The following GALNT7 variants were observed in gnomAD, a reference collection of about 807,000 sequenced individuals.
The protein encoded by GALNT7 is N-acetylgalactosaminyltransferase 7.
A neutral mutation model predicts 82.1 loss-of-function variants in GALNT7; 60 were observed. The ratio of observed to expected loss-of-function variants is 0.73; its 90% CI spans 0.59 to 0.91. The LOEUF is 0.91. GALNT7 is among the 40% of genes least tolerant of loss of function. The pLI is 0.00. For missense variants in GALNT7, 660 were observed against 804.2 expected, an observed-to-expected ratio of 0.82 and a Z score of 2.17; for synonymous variants, 243 against 275.1, an observed-to-expected ratio of 0.88 and a Z score of 1.15.
intron 2 of GALNT7, among the ~76,000 whole-genome samples, chr4:173,273,445 T>C (rs1416930742): frequency 1.3e-5 from 2 of 152,132 alleles, no homozygotes; most frequent in Non-Finnish European, 2.9e-5. Context: ...TGTTGTTGTT[T>C]AAAAACAACA....
chr4:173,235,139 C>G (rs1347582562), intron 1 of GALNT7, among the ~76,000 whole-genome samples: 2 of 152,178 alleles, frequency 1.3e-5, no homozygotes, highest in Non-Finnish European at 2.9e-5. Flanking sequence ...CTACTGCTGT[C>G]TATTCTGGAA....
At chr4:173,304,442 T>A (rs1167073438) in intron 8 of GALNT7, among the ~76,000 whole-genome samples, 1 of 151,990 alleles carries the variant, frequency 6.6e-6, no homozygotes, top group Non-Finnish European at 1.5e-5. Context: ...AATTGACAAG[T>A]AAATATTGTA....
chr4:173,255,375 T>A (rs1486269922), intron 2 of GALNT7, among the ~76,000 whole-genome samples: 1 of 152,192 alleles, frequency 6.6e-6, no homozygotes, highest in Non-Finnish European at 1.5e-5. Context: ...TTATCTTCAT[T>A]TCCCCTCTCT....
chr4:173,312,512 C>T (rs1737424725), intron 8 of GALNT7, among the ~76,000 whole-genome samples: 1 of 152,206 alleles, frequency 6.6e-6, no homozygotes, highest in Non-Finnish European at 1.5e-5. Flanking sequence ...CCATAGGAGG[C>T]CATTAATGTA....
intron 2 of GALNT7, among the ~76,000 whole-genome samples, chr4:173,255,419 T>G (rs1280711472): frequency 2.0e-5 from 3 of 152,158 alleles, no homozygotes; most frequent in Non-Finnish European, 4.4e-5. Context: ...ATGTTACAAT[T>G]CACAAAGTAT....
intron 1 of GALNT7, among the ~76,000 whole-genome samples, chr4:173,222,880 A>C (rs112738039): frequency 0.022 from 3,385 of 152,320 alleles, 102 homozygotes; most frequent in Admixed American, 0.068. Flanking sequence ...TTTTAAATAA[A>C]ATGACTATTA....
intron 1 of GALNT7, among the ~76,000 whole-genome samples, chr4:173,216,727 A>ATATATATATATATATATATTTT: frequency 7.7e-5 from 1 of 12,980 alleles, no homozygotes; most frequent in East Asian, 2.1e-3. Flanking sequence ...ATATATATAT[A>ATATATATATATATATATATTTT]TTTTTTTTTT....
intron 2 of GALNT7, among the ~76,000 whole-genome samples, chr4:173,290,028 G>A (rs1256129229): frequency 6.6e-6 from 1 of 152,180 alleles, no homozygotes; most frequent in Non-Finnish European, 1.5e-5. Context: ...ATTCAGGAAA[G>A]AACTATGGAG....
At chr4:173,198,576 CT>C (rs1435589992) in intron 1 of GALNT7, among the ~76,000 whole-genome samples, 1 of 152,166 alleles carries the variant, frequency 6.6e-6, no homozygotes, top group African/African-American at 2.4e-5. Flanking sequence ...TTATACCTGC[CT>C]CTTAAAGATT....
intron 1 of GALNT7, among the ~76,000 whole-genome samples, chr4:173,223,668 C>G (rs1264024153): frequency 6.6e-6 from 1 of 151,860 alleles, no homozygotes; most frequent in African/African-American, 2.4e-5. Flanking sequence ...TTATTTTTCT[C>G]AAGCTTTTTA....
At chr4:173,225,318 T>C (rs1484230653) in intron 1 of GALNT7, among the ~76,000 whole-genome samples, 1 of 152,032 alleles carries the variant, frequency 6.6e-6, no homozygotes, top group African/African-American at 2.4e-5. Flanking sequence ...GGAGAAATGT[T>C]TAAGGAAATG....
intron 3 of GALNT7, among the ~76,000 whole-genome samples, chr4:173,293,019 A>G (rs1164368017): frequency 1.3e-5 from 2 of 152,142 alleles, no homozygotes; most frequent in African/African-American, 4.8e-5. Context: ...TTAAAATACT[A>G]TTTCTATCTC....
At position 173,323,657 on chromosome 4, in the gene GALNT7, T is replaced by C. The variant is rs1268005502; in HGVS notation, c.*1940T>C. ...AAAAGAAGATACTCTATGAATATGA[T>C]TCTATATATTGAAATCAGAAAACCT... On this transcript the variant is annotated 3_prime_UTR_variant, in exon 12 of 12. Coordinates refer to ENST00000265000, the MANE Select transcript of GALNT7 (RefSeq NM_017423.3). The C allele has an allele frequency of 6.6e-6, 1 of 152,580 alleles. No individual in the cohort carries two copies. Among genetic ancestry groups the C allele is most frequent in the African/African-American group, 2.4e-5 (1 of 41,450 alleles). The allele number at this position is 152,580 out of a possible 1,614,324, so 9.5% of individuals were successfully genotyped here. A position where few individuals can be genotyped will look rare whatever the true frequency, so the allele number is the denominator to read the frequency against.
chr4:173,208,328 T>C (rs764037622), intron 1 of GALNT7, among the ~76,000 whole-genome samples: 36 of 152,226 alleles, frequency 2.4e-4, no homozygotes, highest in Non-Finnish European at 3.2e-4. Context: ...CACTTCTTGA[T>C]AGAAAAGATG....
At chr4:173,289,054 C>G (rs755526698) in intron 2 of GALNT7, among the ~76,000 whole-genome samples, 1 of 152,082 alleles carries the variant, frequency 6.6e-6, no homozygotes, top group Non-Finnish European at 1.5e-5. Context: ...ACTGGAGGTC[C>G]TTGTGCCAGC....
intron 1 of GALNT7, among the ~76,000 whole-genome samples, chr4:173,195,562 T>C (rs1281940104): frequency 6.6e-6 from 1 of 152,200 alleles, no homozygotes; most frequent in Non-Finnish European, 1.5e-5. Flanking sequence ...CAATAATACC[T>C]GAGTATAACC....
chr4:173,304,766 A>G (rs778421325), intron 8 of GALNT7, among the ~76,000 whole-genome samples: 2 of 152,042 alleles, frequency 1.3e-5, no homozygotes, highest in Non-Finnish European at 2.9e-5. Flanking sequence ...ACATGTAAGT[A>G]ATATCATGCA....
chr4:173,318,704 C>A, intron 11 of GALNT7, 145 bp downstream of exon 11: 1 of 566,854 alleles, frequency 1.8e-6, no homozygotes, highest in Non-Finnish European at 3.1e-6. Flanking sequence ...CATAGGTTTT[C>A]CTGAGCACTG....
intron 1 of GALNT7, among the ~76,000 whole-genome samples, chr4:173,247,372 C>T (rs964386141): frequency 6.7e-6 from 1 of 150,278 alleles, no homozygotes; most frequent in Non-Finnish European, 1.5e-5. Context: ...GGTTTAAAAG[C>T]CCGAGCTGAC....
Sources: allele counts gnomAD v4.1 joint callset (sites outside exome capture counted in the v4.1 genomes callset), GRCh38; gene constraint gnomAD v4.1.1; transcripts MANE v1.5; gene names NCBI Gene and HGNC (gene_info 2026-07-23, HGNC 2026-07-21).